RBMS3: variants seen among roughly 807,000 people sequenced by gnomAD.
The protein encoded by RBMS3 is RNA-binding motif, single-stranded-interacting protein 3.
Under a neutral mutation model 66.8 loss-of-function variants are expected in RBMS3, and 27 were observed. The ratio of observed to expected loss-of-function variants is 0.40; its 90% confidence interval spans 0.30 to 0.56. RBMS3 has a LOEUF of 0.56. Among genes scored for constraint, RBMS3 ranks in the 20% least tolerant of loss-of-function variants. RBMS3 has a pLI of 0.40. For missense variants in RBMS3, 513 were observed against 549.5 expected (o/e 0.93, Z 0.66); for synonymous variants, 188 against 183.0 (o/e 1.03, Z -0.22).
chr3:29,635,512 C>T (rs2049442149), intron 4 of RBMS3, among the ~76,000 whole-genome samples: 3 of 151,892 alleles, frequency 2.0e-5, no homozygotes, highest in Non-Finnish European at 2.9e-5. Flanking sequence ...AACTCTGGCA[C>T]AAGCCAGCAT....
rs369536364 is a variant in RBMS3, at chr3:29,729,154, C to G, written c.400-10566C>G. Among the ~76,000 whole-genome samples the G allele has an allele frequency of 2.5e-4, 38 of 149,290 alleles. No individual in the cohort carries two copies. In the East Asian group the frequency reaches 7.0e-3, roughly 27 times the overall value. ...CCCTACCGCCCCACCCCCCAACCCC[C>G]TGACAGGCCCCAGTGTGTGATGTTG... On this transcript the variant is annotated intron_variant, in intron 4 of 14. Transcript: ENST00000383767.
Position 29,434,790 on chromosome 3 carries a change from C to T in RBMS3, c.123C>T (p.Ser41=), listed in dbSNP as rs1219346534. The part of the protein sequence containing the change: ...APHPMAPPSP[S]TNSSSNNSSN... ...ACCCCATGGCTCCTCCCAGCCCCAGCACAAACAGCAGCAGCAACAACAGCA... is the reference window on the plus strand; with the variant it reads ...ACCCCATGGCTCCTCCCAGCCCCAGTACAAACAGCAGCAGCAACAACAGCA... The change falls in exon 2 of 15, where the codon AGC becomes AGT. Residue 41 remains serine, a synonymous_variant. Transcript: ENST00000383767. 1 of 1,613,968 alleles carries T rather than the reference C, an allele frequency of 6.2e-7. No individual in the cohort carries two copies. Among genetic ancestry groups the T allele is most frequent in the Non-Finnish European group, 8.5e-7 (1 of 1,179,994 alleles).
intron 6 of RBMS3, among the ~76,000 whole-genome samples, chr3:29,815,194 A>G (rs1226165076): frequency 6.6e-6 from 1 of 152,230 alleles, no homozygotes. Flanking sequence ...CTTTAGATGC[A>G]GGAACCAGCA....
At chr3:29,585,902 A>G (rs1052836286) in intron 3 of RBMS3, among the ~76,000 whole-genome samples, 26 of 152,114 alleles carry the variant, frequency 1.7e-4, no homozygotes, top group African/African-American at 5.8e-4. Flanking sequence ...TTACGATAAC[A>G]TGCTGGGAGG....
At chr3:29,373,268 G>A (rs1184355542) in intron 1 of RBMS3, among the ~76,000 whole-genome samples, 1 of 152,104 alleles carries the variant, frequency 6.6e-6, no homozygotes, top group Non-Finnish European at 1.5e-5. Flanking sequence ...GTTACTCAGG[G>A]TAGAAGCAGC....
At chr3:29,702,840 A>G (rs1414297630) in intron 4 of RBMS3, among the ~76,000 whole-genome samples, 1 of 152,152 alleles carries the variant, frequency 6.6e-6, no homozygotes, top group Non-Finnish European at 1.5e-5. Flanking sequence ...CTCTGGACAC[A>G]CCACCTTTAA....
At chr3:29,613,007 C>T (rs1055287888) in intron 4 of RBMS3, among the ~76,000 whole-genome samples, 1 of 152,110 alleles carries the variant, frequency 6.6e-6, no homozygotes, top group Non-Finnish European at 1.5e-5. Flanking sequence ...TCTCTATCTG[C>T]CTTGCCTTAT....
At chr3:29,590,727 A>C (rs1041145406) in intron 4 of RBMS3, among the ~76,000 whole-genome samples, 8 of 152,112 alleles carry the variant, frequency 5.3e-5, no homozygotes, top group Admixed American at 1.3e-4. Context: ...AGCATGAAAA[A>C]AAGTGAAGAA....
chr3:29,866,239 C>T (rs1168534777), intron 6 of RBMS3, among the ~76,000 whole-genome samples: 1 of 152,080 alleles, frequency 6.6e-6, no homozygotes, highest in Non-Finnish European at 1.5e-5. Context: ...TATATCAACA[C>T]TGACAAATTG....
intron 14 of RBMS3, 106 bp downstream of exon 14, chr3:29,991,315 C>T: frequency 6.5e-7 from 1 of 1,533,808 alleles, no homozygotes; most frequent in South Asian, 1.3e-5. Context: ...CCATCCCAAA[C>T]TTAGCAACAG....
chr3:29,585,664 C>T (rs1297843380), intron 3 of RBMS3, among the ~76,000 whole-genome samples: 1 of 152,104 alleles, frequency 6.6e-6, no homozygotes, highest in Non-Finnish European at 1.5e-5. Flanking sequence ...CTTTCTTCTC[C>T]CCTTGACCCT....
chr3:29,421,013 C>A (rs1041611946), intron 1 of RBMS3, among the ~76,000 whole-genome samples: 1 of 150,852 alleles, frequency 6.6e-6, no homozygotes, highest in Admixed American at 6.6e-5. Context: ...CTCGAGAGGC[C>A]GAGGCAGGAG....
At chr3:29,497,784 G>A (rs978941667) in intron 3 of RBMS3, among the ~76,000 whole-genome samples, 3 of 151,904 alleles carry the variant, frequency 2.0e-5, no homozygotes, top group African/African-American at 4.8e-5. Flanking sequence ...AAGTATTGAG[G>A]ATGCAGGACA....
At chr3:29,602,558 T>C (rs1477793901) in intron 4 of RBMS3, among the ~76,000 whole-genome samples, 1 of 151,990 alleles carries the variant, frequency 6.6e-6, no homozygotes, top group Non-Finnish European at 1.5e-5. Flanking sequence ...GTAACCATAA[T>C]GCAAAATACA....
intron 6 of RBMS3, among the ~76,000 whole-genome samples, chr3:29,773,013 C>T (rs2056276075): frequency 6.6e-6 from 1 of 151,888 alleles, no homozygotes; most frequent in Non-Finnish European, 1.5e-5. Context: ...GAAAATAATC[C>T]TAATTGCTAA....
intron 2 of RBMS3, among the ~76,000 whole-genome samples, chr3:29,467,485 T>G (rs985501465): frequency 1.3e-5 from 2 of 152,188 alleles, no homozygotes; most frequent in African/African-American, 2.4e-5. Context: ...TCCTTAGTGA[T>G]CTAATTAAAA....
chr3:29,574,951 G>A (rs1425638205), intron 3 of RBMS3, among the ~76,000 whole-genome samples: 2 of 151,652 alleles, frequency 1.3e-5, no homozygotes. Flanking sequence ...TGTACTGTCT[G>A]TATCTTGAAA....
At chr3:29,337,948 CTACCTTA>C (rs975290683) in intron 1 of RBMS3, among the ~76,000 whole-genome samples, 1 of 152,116 alleles carries the variant, frequency 6.6e-6, no homozygotes, top group Non-Finnish European at 1.5e-5. Context: ...ACTCTGTTGA[CTACCTTA>C]TAACCTTGGC....
chr3:29,750,418 G>T (rs1425061136), intron 5 of RBMS3, among the ~76,000 whole-genome samples: 2 of 151,978 alleles, frequency 1.3e-5, no homozygotes, highest in Non-Finnish European at 2.9e-5. Flanking sequence ...TTATTTTTAT[G>T]GCATAAAACA....
Sources: gnomAD v4.1 joint callset for allele counts (sites outside exome capture counted in the v4.1 genomes callset) on GRCh38, gnomAD v4.1.1 for gene constraint, MANE v1.5 for transcripts, NCBI Gene and HGNC (gene_info 2026-07-23, HGNC 2026-07-21) for gene names.